KCND2: variants seen among roughly 807,000 people sequenced by gnomAD.
The protein encoded by KCND2 is A-type voltage-gated potassium channel KCND2.
A neutral mutation model predicts 54.4 loss-of-function variants in KCND2; 16 were observed. That is an observed-to-expected ratio of 0.29 (90% CI 0.20 to 0.45). The LOEUF (loss-of-function observed/expected upper bound fraction) is 0.45, where lower values mean the gene tolerates loss of function less well. KCND2 is among the 20% of genes least tolerant of loss of function. The probability of loss-of-function intolerance (pLI) is 1.00; values close to 1 mark genes in which losing one functional copy is unlikely to be tolerated. For synonymous variants in KCND2, 317 were observed against 310.7 expected (o/e 1.02, Z -0.21); for missense variants, 486 against 824.2 (o/e 0.59, Z 5.02).
At chr7:120,741,012 A>G in intron 2 of KCND2, 1 of 343,094 alleles carries the variant, frequency 2.9e-6, no homozygotes, top group South Asian at 2.5e-5. Context: ...ATAATTTTAT[A>G]TTGGAGGATG....
intron 1 of KCND2, among the ~76,000 whole-genome samples, chr7:120,385,155 T>G (rs1479442520): frequency 6.6e-6 from 1 of 151,416 alleles, no homozygotes; most frequent in African/African-American, 2.4e-5. Context: ...TACAGGTGCA[T>G]GCCACCACGC....
At chr7:120,484,156 A>T (rs144695533) in intron 1 of KCND2, among the ~76,000 whole-genome samples, 20 of 152,244 alleles carry the variant, frequency 1.3e-4, no homozygotes, top group African/African-American at 4.8e-4. Flanking sequence ...GCCGCCTTGG[A>T]GATAGGAAAT....
intron 1 of KCND2, among the ~76,000 whole-genome samples, chr7:120,360,109 T>C (rs1800572203): frequency 6.6e-6 from 1 of 152,100 alleles, no homozygotes; most frequent in African/African-American, 2.4e-5. Flanking sequence ...TTGGAGGCAG[T>C]ATAACTCTCC....
chr7:120,457,163 CTT>C (rs940429588), intron 1 of KCND2, among the ~76,000 whole-genome samples: 1 of 152,116 alleles, frequency 6.6e-6, no homozygotes, highest in Non-Finnish European at 1.5e-5. Flanking sequence ...CCCAGGGAAC[CTT>C]TTTTTCCTCC....
chr7:120,606,647 G>A (rs1487495000), intron 1 of KCND2, among the ~76,000 whole-genome samples: 1 of 151,928 alleles, frequency 6.6e-6, no homozygotes, highest in East Asian at 1.9e-4. Context: ...ATTTGTCTTG[G>A]CAGCTGTGTC....
At chr7:120,603,480 G>A (rs890377793) in intron 1 of KCND2, among the ~76,000 whole-genome samples, 1 of 152,168 alleles carries the variant, frequency 6.6e-6, no homozygotes, top group Non-Finnish European at 1.5e-5. Flanking sequence ...ACTATGCTCT[G>A]TATATGCAGT....
At chr7:120,588,596 A>G (rs1247566785) in intron 1 of KCND2, among the ~76,000 whole-genome samples, 1 of 151,914 alleles carries the variant, frequency 6.6e-6, no homozygotes, top group Admixed American at 6.6e-5. Context: ...GGAGGATGAA[A>G]CTCGATTCTG....
chr7:120,562,130 C>T (rs778791919), intron 1 of KCND2, among the ~76,000 whole-genome samples: 11 of 151,992 alleles, frequency 7.2e-5, no homozygotes, highest in Admixed American at 3.9e-4. Flanking sequence ...GTTATAAGCG[C>T]AAGAGGACAA....
At chr7:120,653,096 G>A (rs935858721) in intron 1 of KCND2, among the ~76,000 whole-genome samples, 1 of 151,896 alleles carries the variant, frequency 6.6e-6, no homozygotes, top group African/African-American at 2.4e-5. Flanking sequence ...GCAGAGGCAT[G>A]ATCTTGGCTC....
intron 1 of KCND2, among the ~76,000 whole-genome samples, chr7:120,318,873 C>A (rs1022731743): frequency 6.6e-6 from 1 of 152,012 alleles, no homozygotes; most frequent in Non-Finnish European, 1.5e-5. Context: ...GAACATCATT[C>A]ACTTGTTGGG....
At chr7:120,287,283 G>A (rs1027825785) in intron 1 of KCND2, among the ~76,000 whole-genome samples, 8 of 152,056 alleles carry the variant, frequency 5.3e-5, no homozygotes, top group Non-Finnish European at 1.0e-4. Context: ...ACTCCCAGAT[G>A]ATTGTGAGAT....
At chr7:120,694,613 TA>T (rs1283783354) in intron 1 of KCND2, among the ~76,000 whole-genome samples, 2 of 152,112 alleles carry the variant, frequency 1.3e-5, no homozygotes, top group Non-Finnish European at 2.9e-5. Flanking sequence ...TGACTACATC[TA>T]AAAGGGGTTA....
intron 1 of KCND2, among the ~76,000 whole-genome samples, chr7:120,711,204 C>T (rs554682079): frequency 8.2e-4 from 124 of 152,084 alleles, no homozygotes; most frequent in Non-Finnish European, 1.5e-3. Context: ...TGAGAGATGT[C>T]ATATCTCACA....
At chr7:120,288,549 TG>T (rs1799382721) in intron 1 of KCND2, among the ~76,000 whole-genome samples, 1 of 152,146 alleles carries the variant, frequency 6.6e-6, no homozygotes, top group Non-Finnish European at 1.5e-5. Context: ...TGGCTTTTCA[TG>T]GATGTTAGCT....
At chr7:120,744,884 T>C (rs995226202) in intron 4 of KCND2, among the ~76,000 whole-genome samples, 4 of 152,162 alleles carry the variant, frequency 2.6e-5, no homozygotes, top group African/African-American at 9.7e-5. Flanking sequence ...CAAAAATGTT[T>C]TCCTTTATAT....
intron 1 of KCND2, among the ~76,000 whole-genome samples, chr7:120,420,451 A>G (rs1032168473): frequency 1.3e-5 from 2 of 152,186 alleles, no homozygotes; most frequent in Non-Finnish European, 2.9e-5. Flanking sequence ...GAGGGAAAGA[A>G]AAAAGAAAGA....
chr7:120,691,937 C>A (rs566363426), intron 1 of KCND2, among the ~76,000 whole-genome samples: 17 of 152,234 alleles, frequency 1.1e-4, no homozygotes, highest in African/African-American at 4.1e-4. Context: ...TCAAGGAGGA[C>A]CTTGTGGTCA....
At chr7:120,379,443 A>G (rs1484522947) in intron 1 of KCND2, among the ~76,000 whole-genome samples, 1 of 152,076 alleles carries the variant, frequency 6.6e-6, no homozygotes, top group African/African-American at 2.4e-5. Context: ...AGCTGACTAT[A>G]GTTATTTGAA....
intron 1 of KCND2, among the ~76,000 whole-genome samples, chr7:120,283,731 T>G (rs1052742900): frequency 1.2e-4 from 19 of 152,176 alleles, no homozygotes; most frequent in African/African-American, 4.3e-4. Context: ...AATTGTAATA[T>G]TAGTGTTCAA....
Sources: gnomAD v4.1 joint callset for allele counts (sites outside exome capture counted in the v4.1 genomes callset) on GRCh38, gnomAD v4.1.1 for gene constraint, MANE v1.5 for transcripts, NCBI Gene and HGNC (gene_info 2026-07-23, HGNC 2026-07-21) for gene names.